MFSD8: variants seen among roughly 807,000 people sequenced by gnomAD.
MFSD8 encodes major facilitator superfamily domain containing 8, also known as major facilitator superfamily domain-containing protein 8.
MFSD8 carries 55 observed loss-of-function variants against 66.4 expected under a neutral mutation model. The ratio of observed to expected loss-of-function variants is 0.83; its 90% CI spans 0.67 to 1.04. The LOEUF is 1.04. MFSD8 is among the 50% of genes least tolerant of loss of function. The pLI, the probability that MFSD8 is intolerant of heterozygous loss-of-function variation, is 0.00. For missense variants in MFSD8, 550 were observed against 627.6 expected, an observed-to-expected ratio of 0.88 and a Z score of 1.32; for synonymous variants, 202 against 212.8, an observed-to-expected ratio of 0.95 and a Z score of 0.44.
chr4:127,929,770 A>G (rs1203589637), intron 9 of MFSD8, among the ~76,000 whole-genome samples: 1 of 152,202 alleles, frequency 6.6e-6, no homozygotes, highest in Middle Eastern at 3.2e-3. Context: ...AGTTAGCAAT[A>G]ATTTAGTGTA....
At chr4:127,920,875 G>A in intron 11 of MFSD8, 39 bp from the exon 12 acceptor site, 1 of 1,585,594 alleles carries the variant, frequency 6.3e-7, no homozygotes, top group Non-Finnish European at 8.6e-7. Flanking sequence ...GATTGATATT[G>A]GGGTTTAGTT....
At chr4:127,920,930 C>A in intron 11 of MFSD8, 94 bp from the exon 12 acceptor site, 1 of 1,183,056 alleles carries the variant, frequency 8.5e-7, no homozygotes, top group African/African-American at 1.5e-5. Context: ...AGCAAACTTA[C>A]AAGAATCATT....
chr4:127,959,121 A>T (rs1743340114), intron 1 of MFSD8, among the ~76,000 whole-genome samples: 1 of 152,202 alleles, frequency 6.6e-6, no homozygotes, highest in Admixed American at 6.6e-5. Flanking sequence ...GGCATCCTGT[A>T]CCTTTTGATG....
chr4:127,953,473 AAG>A (rs1742344149), intron 2 of MFSD8, among the ~76,000 whole-genome samples: 1 of 151,530 alleles, frequency 6.6e-6, no homozygotes, highest in South Asian at 2.1e-4. Flanking sequence ...AAAAAAAAAA[AAG>A]AATAAATTAC....
intron 1 of MFSD8, among the ~76,000 whole-genome samples, chr4:127,961,018 A>T (rs1743646360): frequency 6.6e-6 from 1 of 152,210 alleles, no homozygotes; most frequent in Non-Finnish European, 1.5e-5. Context: ...ACTTTACAGG[A>T]AATGTTTTCC....
chr4:127,939,714 T>C, intron 6 of MFSD8, 139 bp downstream of exon 6: 1 of 843,732 alleles, frequency 1.2e-6, no homozygotes, highest in Non-Finnish European at 1.7e-6. Context: ...GCTTTAGTAC[T>C]ACCTGACCAA....
chr4:127,943,539 T>G (rs1429022488), intron 4 of MFSD8: 7 of 537,576 alleles, frequency 1.3e-5, no homozygotes, highest in Non-Finnish European at 2.0e-5. Context: ...TCTTGAAGGA[T>G]GAAGAATGAT....
chr4:127,936,757 A>G (rs1161140925), intron 7 of MFSD8, among the ~76,000 whole-genome samples: 2 of 152,142 alleles, frequency 1.3e-5, no homozygotes, highest in Non-Finnish European at 2.9e-5. Flanking sequence ...TTTACAGGCA[A>G]CCCTATTAAG....
At chr4:127,965,298 G>T, upstream of MFSD8, 1 of 831,392 alleles carries the variant, frequency 1.2e-6, no homozygotes. Flanking sequence ...TCACGCGGAA[G>T]GCCGGGCAGC....
At chr4:127,929,890 C>T (rs991718513) in intron 9 of MFSD8, among the ~76,000 whole-genome samples, 4 of 152,078 alleles carry the variant, frequency 2.6e-5, no homozygotes, top group African/African-American at 4.8e-5. Flanking sequence ...ATACATTATA[C>T]GAATGTATCA....
chr4:127,927,017 C>T (rs1737312416), intron 9 of MFSD8, among the ~76,000 whole-genome samples: 1 of 152,182 alleles, frequency 6.6e-6, no homozygotes, highest in Non-Finnish European at 1.5e-5. Context: ...CTACAGTATA[C>T]TGTATTTGGC....
chr4:127,937,297 A>T (rs1205562373), intron 7 of MFSD8, among the ~76,000 whole-genome samples: 2 of 152,110 alleles, frequency 1.3e-5, no homozygotes, highest in Non-Finnish European at 2.9e-5. Flanking sequence ...AATTGAAATC[A>T]TCTTCTCTTT....
In MFSD8 at chr4:127,931,793, G is replaced by A. The variant is rs564564152; in HGVS notation, c.864-976C>T. On this transcript the variant is annotated intron_variant, in intron 8 of 11. Coordinates refer to ENST00000641686, the MANE Select transcript of MFSD8 (RefSeq NM_001371596.2). ...CATTGTGAATGCACTTAATGCTACT[G>A]AACTGCATACCTTAAAAATAGCTAA... Among the ~76,000 whole-genome samples, 5 of 152,270 alleles carry A rather than the reference G, an allele frequency of 3.3e-5. No homozygotes were observed. The South Asian group carries it at 1.0e-3, about 32-fold the overall frequency.
chr4:127,964,942 A>C (rs969953875), intron 1 of MFSD8, 130 bp downstream of exon 1: 1 of 1,113,156 alleles, frequency 9.0e-7, no homozygotes, highest in Non-Finnish European at 1.3e-6. Context: ...CACACAACCC[A>C]GCCACCGGCT....
At chr4:127,935,900 T>C (rs1738990192) in intron 7 of MFSD8, among the ~76,000 whole-genome samples, 1 of 152,182 alleles carries the variant, frequency 6.6e-6, no homozygotes, top group African/African-American at 2.4e-5. Context: ...GCACAAAGTG[T>C]GATTTGTAGA....
intron 1 of MFSD8, chr4:127,964,802 G>C (rs1744727983): frequency 1.7e-6 from 1 of 581,798 alleles, no homozygotes; most frequent in South Asian, 2.0e-5. Flanking sequence ...TCACCTCTCA[G>C]CTTGGGTGCT....
rs1171556880 is a variant in MFSD8, at chr4:127,918,026, A to C, written c.*2604T>G. 1 of 152,174 alleles carries C rather than the reference A, an allele frequency of 6.6e-6. No individual in the cohort carries two copies. Among genetic ancestry groups the C allele is most frequent in the East Asian group, 1.9e-4 (1 of 5,206 alleles). The allele number at this position is 152,174 out of a possible 1,614,324, so 9.4% of individuals were successfully genotyped here. ...GTAAGAGATAAGGTTTATATGAACA[A>C]GAAGAGTTTATTTTTAAATGTAAAG... On this transcript the variant is annotated 3_prime_UTR_variant, in exon 12 of 12. Transcript: ENST00000641686.
chr4:127,949,590 T>TA (rs1340562693), intron 3 of MFSD8, among the ~76,000 whole-genome samples: 1 of 152,200 alleles, frequency 6.6e-6, no homozygotes, highest in Non-Finnish European at 1.5e-5. Context: ...TATTTTTCCT[T>TA]ACGTAGCAGT....
chr4:127,939,927 G>T lies in MFSD8; in HGVS notation c.624C>A (p.Asn208Lys). The T allele has an allele frequency of 6.2e-7, 1 of 1,613,484 alleles. No individual in the cohort carries two copies. The stretch of plus-strand genomic sequence containing the variant: ...TAAGTAAAACTGGTGTTGTATACAT[G>T]TTTATCTGCAGTTTAATCACATCCC... The part of the protein sequence containing the change: ...VTWDVIKLQI[N>K]MYTTPVLLSA... The change falls in exon 6 of 12, where the codon AAC becomes AAA. Residue 208 changes from asparagine (N) to lysine (K), a missense_variant. Transcript: ENST00000641686.
Sources: gnomAD v4.1 joint callset for allele counts (sites outside exome capture counted in the v4.1 genomes callset) on GRCh38, gnomAD v4.1.1 for gene constraint, MANE v1.5 for transcripts, NCBI Gene and HGNC (gene_info 2026-07-23, HGNC 2026-07-21) for gene names.